Variants in MEIKIN observed in about 807,000 individuals in gnomAD.
MEIKIN encodes meiotic kinetochore factor.
At chr5:131,939,208 G>A (rs1751830553) in intron 4 of MEIKIN, among the ~76,000 whole-genome samples, 1 of 152,186 alleles carries the variant, frequency 6.6e-6, no homozygotes, top group South Asian at 2.1e-4. Context: ...GCCACAGTGT[G>A]TTAGGGAAAG....
In MEIKIN at chr5:131,944,878, G is replaced by A. The variant is rs1751935340; in HGVS notation, c.201-126C>T. 3 of 398,246 alleles carry A rather than the reference G, an allele frequency of 7.5e-6. No homozygotes were observed. The East Asian group carries it at 1.1e-4, about 14-fold the overall frequency. The allele number at this position is 398,246 out of a possible 1,614,324, so 24.7% of individuals were successfully genotyped here. On this transcript the variant is annotated intron_variant, in intron 2 of 12. Coordinates refer to ENST00000442687, the MANE Select transcript of MEIKIN (RefSeq NM_001303622.2). ...TTAGGAAGAAGTAAGGACCAGAGTGGTGACTTGCACCAAAACCCAAATGCA... is the reference window on the plus strand; with the variant it reads ...TTAGGAAGAAGTAAGGACCAGAGTGATGACTTGCACCAAAACCCAAATGCA...
At chr5:131,826,656 G>A (rs1749613136) in intron 11 of MEIKIN, among the ~76,000 whole-genome samples, 1 of 152,168 alleles carries the variant, frequency 6.6e-6, no homozygotes, top group African/African-American at 2.4e-5. Context: ...ACTGGATCCT[G>A]GAGGCAGTTT....
At chr5:131,920,755 A>T (rs1359618471) in intron 6 of MEIKIN, among the ~76,000 whole-genome samples, 1 of 151,250 alleles carries the variant, frequency 6.6e-6, no homozygotes, top group Non-Finnish European at 1.5e-5. Flanking sequence ...GTTCAGTGGT[A>T]CAAACGTGGC....
At chr5:131,865,366 T>G (rs6421902) in intron 9 of MEIKIN, among the ~76,000 whole-genome samples, 1 of 151,734 alleles carries the variant, frequency 6.6e-6, no homozygotes, top group South Asian at 2.1e-4. Context: ...ACTGCAGGCA[T>G]GCGCCACCAT....
At chr5:131,808,241 G>A (rs1167626698) in intron 12 of MEIKIN, among the ~76,000 whole-genome samples, 6 of 152,138 alleles carry the variant, frequency 3.9e-5, no homozygotes, top group African/African-American at 1.2e-4. Context: ...TTTGCAAAAT[G>A]GTTCACAGTC....
chr5:131,840,364 C>T (rs181652839), intron 11 of MEIKIN, among the ~76,000 whole-genome samples: 2 of 152,206 alleles, frequency 1.3e-5, no homozygotes, highest in Non-Finnish European at 2.9e-5. Context: ...TGTGAAGTAT[C>T]TTAGTAAGGT....
intron 11 of MEIKIN, among the ~76,000 whole-genome samples, chr5:131,833,926 T>A: frequency 6.6e-6 from 1 of 152,188 alleles, no homozygotes; most frequent in East Asian, 1.9e-4. Context: ...TACACAGATA[T>A]TCTCAGATAA....
At chr5:131,810,980 A>T (rs192078586) in intron 12 of MEIKIN, among the ~76,000 whole-genome samples, 7 of 152,340 alleles carry the variant, frequency 4.6e-5, no homozygotes, top group Non-Finnish European at 8.8e-5. Flanking sequence ...TTAAAATAAC[A>T]TGATCACTAG....
chr5:131,818,685 GA>G (rs1225712651), intron 12 of MEIKIN, 54 bp downstream of exon 12: 1 of 391,920 alleles, frequency 2.6e-6, no homozygotes, highest in East Asian at 3.6e-5. Context: ...CATTTTTAAT[GA>G]AAAAAATGTT....
intron 11 of MEIKIN, among the ~76,000 whole-genome samples, chr5:131,824,074 C>A (rs1749566949): frequency 6.6e-6 from 1 of 152,182 alleles, no homozygotes; most frequent in African/African-American, 2.4e-5. Flanking sequence ...ATCCAAGCAC[C>A]CCTGTGACCA....
intron 6 of MEIKIN, 145 bp from the exon 7 acceptor site, chr5:131,917,070 A>C: frequency 2.7e-6 from 1 of 372,460 alleles, no homozygotes; most frequent in Non-Finnish European, 4.8e-6. Context: ...TTAGGTAAAA[A>C]TATTTTCAAA....
At chr5:131,840,257 G>A (rs1384937815) in intron 11 of MEIKIN, among the ~76,000 whole-genome samples, 1 of 152,106 alleles carries the variant, frequency 6.6e-6, no homozygotes, top group Non-Finnish European at 1.5e-5. Context: ...TTCCCTTTGT[G>A]GGTGACCTGA....
chr5:131,835,500 G>C (rs77471061), intron 11 of MEIKIN, among the ~76,000 whole-genome samples: 4,039 of 152,120 alleles, frequency 0.027, 189 homozygotes, highest in African/African-American at 0.092. Flanking sequence ...ATGATTTCAG[G>C]TCTTACATTT....
intron 11 of MEIKIN, among the ~76,000 whole-genome samples, chr5:131,835,041 T>A (rs768426095): frequency 6.6e-5 from 10 of 152,076 alleles, no homozygotes; most frequent in Non-Finnish European, 1.3e-4. Context: ...ATTTCCCTGA[T>A]TAGTGATGTT....
chr5:131,866,548 A>C (rs1218850953), intron 9 of MEIKIN, among the ~76,000 whole-genome samples: 2 of 152,184 alleles, frequency 1.3e-5, no homozygotes, highest in East Asian at 3.9e-4. Context: ...CATAGGCAGG[A>C]AACTGAAAGG....
chr5:131,868,080 A>G (rs1310933186), intron 9 of MEIKIN, among the ~76,000 whole-genome samples: 1 of 152,070 alleles, frequency 6.6e-6, no homozygotes, highest in Non-Finnish European at 1.5e-5. Flanking sequence ...TGTAATAATA[A>G]CTCGCTGTTG....
At position 131,945,392 on chromosome 5, in the gene MEIKIN, G is replaced by A. The variant is rs148202760; in HGVS notation, c.106+8C>T. Reference sequence around the variant, plus strand: ...TGAGCTTACGGTGGGCGAGCCTTGAGCCTGTACCTGGCGGGGCCTCGGCCT... The same window carrying A: ...TGAGCTTACGGTGGGCGAGCCTTGAACCTGTACCTGGCGGGGCCTCGGCCT... On this transcript the variant is annotated splice_region_variant and intron_variant, in intron 1 of 12. Transcript: ENST00000442687. The A allele has an allele frequency of 2.3e-4, 93 of 399,152 alleles. No individual in the cohort carries two copies. Among genetic ancestry groups the A allele is most frequent in the African/African-American group, 1.8e-3 (87 of 48,756 alleles). 24.7% of individuals were successfully genotyped at this position (399,152 alleles called of 1,614,324 possible).
intron 11 of MEIKIN, among the ~76,000 whole-genome samples, chr5:131,820,032 C>T (rs1580858029): frequency 1.3e-5 from 2 of 148,532 alleles, no homozygotes; most frequent in South Asian, 4.3e-4. Context: ...GCCTCGGCCT[C>T]CCAAAGTGCT....
At chr5:131,841,378 C>T (rs1749906453) in intron 11 of MEIKIN, among the ~76,000 whole-genome samples, 1 of 152,188 alleles carries the variant, frequency 6.6e-6, no homozygotes, top group African/African-American at 2.4e-5. Flanking sequence ...ACATACTCAT[C>T]AGCTACAGCA....
Sources: gnomAD v4.1 joint callset for allele counts (sites outside exome capture counted in the v4.1 genomes callset) on GRCh38, gnomAD v4.1.1 for gene constraint, MANE v1.5 for transcripts, NCBI Gene and HGNC (gene_info 2026-07-23, HGNC 2026-07-21) for gene names.